UNC5D: variants seen among roughly 807,000 people sequenced by gnomAD.
UNC5D encodes the protein netrin receptor UNC5D.
UNC5D carries 39 observed loss-of-function variants against 105.4 expected under a neutral mutation model. That is an observed-to-expected ratio of 0.37 (90% CI 0.29 to 0.48). The LOEUF (loss-of-function observed/expected upper bound fraction) is 0.48. UNC5D is among the 20% of genes least tolerant of loss of function. The pLI is 0.98. For missense variants in UNC5D, 991 were observed against 1,202.4 expected (o/e 0.82, Z 2.60); for synonymous variants, 452 against 450.4 (o/e 1.00, Z -0.04).
At chr8:35,716,886 A>T (rs1828280428) in intron 8 of UNC5D, among the ~76,000 whole-genome samples, 1 of 152,226 alleles carries the variant, frequency 6.6e-6, no homozygotes, top group Non-Finnish European at 1.5e-5. Flanking sequence ...AAACAACTTT[A>T]ACAATAACTT....
intron 3 of UNC5D, among the ~76,000 whole-genome samples, chr8:35,571,545 G>A (rs1279410707): frequency 1.3e-5 from 2 of 152,088 alleles, no homozygotes; most frequent in African/African-American, 4.8e-5. Flanking sequence ...AAAGTCAGGG[G>A]GGTGGGGGAG....
intron 1 of UNC5D, among the ~76,000 whole-genome samples, chr8:35,389,117 G>T (rs1484883936): frequency 6.6e-6 from 1 of 152,108 alleles, no homozygotes; most frequent in Non-Finnish European, 1.5e-5. Context: ...TTTTCCTGTG[G>T]TTTTCTACAC....
chr8:35,699,321 T>C (rs1827012008), intron 7 of UNC5D, among the ~76,000 whole-genome samples: 3 of 152,180 alleles, frequency 2.0e-5, no homozygotes, highest in Admixed American at 2.0e-4. Flanking sequence ...AATTATGTGC[T>C]TTGACTAAGG....
intron 15 of UNC5D, among the ~76,000 whole-genome samples, chr8:35,770,580 G>T (rs1402171628): frequency 6.6e-6 from 1 of 152,084 alleles, no homozygotes; most frequent in African/African-American, 2.4e-5. Flanking sequence ...AATGATTACT[G>T]CCAACCAATA....
At chr8:35,529,076 G>C (rs1219266460) in intron 1 of UNC5D, among the ~76,000 whole-genome samples, 273 of 105,758 alleles carry the variant, frequency 2.6e-3, no homozygotes, top group African/African-American at 9.8e-3. Context: ...GTCAATTTTG[G>C]CTTTTGTTGC....
chr8:35,494,608 T>G (rs1811431505), intron 1 of UNC5D, among the ~76,000 whole-genome samples: 1 of 152,340 alleles, frequency 6.6e-6, no homozygotes, highest in East Asian at 1.9e-4. Flanking sequence ...CCCATTCAAC[T>G]ACTTGCTATT....
rs192885480 is a variant in UNC5D at position 35,370,296 on chromosome 8, T to C, written c.103+134409T>C. ...GCCGTGGCATATGGCAATGCTAAATTAAAGAAAAAATATAGTTTGTAGTAA... is the reference window on the plus strand; with the variant it reads ...GCCGTGGCATATGGCAATGCTAAATCAAAGAAAAAATATAGTTTGTAGTAA... On this transcript the variant is annotated intron_variant, in intron 1 of 16. Coordinates refer to ENST00000404895, the MANE Select transcript of UNC5D (RefSeq NM_080872.4). Among the ~76,000 whole-genome samples the C allele has an allele frequency of 3.9e-3, 589 of 152,260 alleles. 2 individuals carry two copies. Among genetic ancestry groups the C allele is most frequent in the Non-Finnish European group, 5.6e-3 (381 of 68,004 alleles).
At position 35,595,589 on chromosome 8, in the gene UNC5D, A is replaced by G. The variant is rs1819440650; in HGVS notation, c.502A>G (p.Arg168Gly). The change falls in exon 4 of 17, where the codon AGG becomes GGG. Residue 168 changes from arginine (R) to glycine (G), a missense_variant. Arg to Gly is a moderately radical substitution (Grantham distance 125). This residue lies in a region of UNC5D where 944 missense variants were observed against 1,131.6 expected (regional missense o/e 0.83). Coordinates refer to ENST00000404895, the MANE Select transcript of UNC5D (RefSeq NM_080872.4). ...RKNFEQDPQG[R>G]EVPIEGMIVL... Reference sequence around the variant, plus strand: ...AAACTTTGAACAAGACCCACAAGGAAGGGAAGTTCCCATTGAAGGCATGAT... The same window carrying G: ...AAACTTTGAACAAGACCCACAAGGAGGGGAAGTTCCCATTGAAGGCATGAT... 1.2e-6 allele frequency: 2 copies of G among 1,614,108 alleles called. No individual in the cohort carries two copies. The highest frequency in any genetic ancestry group is 8.5e-7 in the Non-Finnish European group (1 of 1,179,984).
At chr8:35,284,041 G>A (rs1332939669) in intron 1 of UNC5D, among the ~76,000 whole-genome samples, 2 of 152,090 alleles carry the variant, frequency 1.3e-5, no homozygotes, top group African/African-American at 4.8e-5. Context: ...ATTTTAAATT[G>A]CAGGAAGATT....
intron 1 of UNC5D, among the ~76,000 whole-genome samples, chr8:35,544,717 C>T (rs1051964490): frequency 2.0e-5 from 3 of 151,144 alleles, no homozygotes; most frequent in Non-Finnish European, 2.9e-5. Context: ...ATTTTCCAGC[C>T]TCAGCCTCCT....
At chr8:35,688,689 A>G (rs892204899) in intron 7 of UNC5D, among the ~76,000 whole-genome samples, 2 of 152,216 alleles carry the variant, frequency 1.3e-5, no homozygotes, top group Admixed American at 1.3e-4. Flanking sequence ...GCTCAATAGA[A>G]GGATATTTAA....
chr8:35,748,729 G>C (rs1830121592), intron 12 of UNC5D, 34 bp downstream of exon 12: 2 of 1,602,024 alleles, frequency 1.2e-6, no homozygotes, highest in Admixed American at 1.7e-5. Flanking sequence ...TAAACAGTGG[G>C]ATTTGGGTTC....
chr8:35,268,019 A>G (rs1361711661), intron 1 of UNC5D, among the ~76,000 whole-genome samples: 2 of 152,206 alleles, frequency 1.3e-5, no homozygotes, highest in African/African-American at 4.8e-5. Flanking sequence ...TAGAATGTTG[A>G]GAATATTTAA....
intron 1 of UNC5D, among the ~76,000 whole-genome samples, chr8:35,449,615 A>G (rs1204060174): frequency 6.6e-6 from 1 of 152,104 alleles, no homozygotes; most frequent in Non-Finnish European, 1.5e-5. Flanking sequence ...TGCTTGGGAA[A>G]TGGAATTTCA....
At chr8:35,392,856 T>C (rs1340244327) in intron 1 of UNC5D, among the ~76,000 whole-genome samples, 1 of 152,210 alleles carries the variant, frequency 6.6e-6, no homozygotes, top group Non-Finnish European at 1.5e-5. Flanking sequence ...TCTCATGGTA[T>C]AGATAATTCT....
intron 1 of UNC5D, among the ~76,000 whole-genome samples, chr8:35,419,779 C>T (rs1805770412): frequency 1.3e-5 from 2 of 152,232 alleles, no homozygotes; most frequent in South Asian, 4.1e-4. Context: ...CCTTTTACAC[C>T]CACCATTCAG....
intron 1 of UNC5D, among the ~76,000 whole-genome samples, chr8:35,266,766 A>G (rs562416452): frequency 5.9e-5 from 9 of 151,304 alleles, no homozygotes; most frequent in African/African-American, 1.7e-4. Context: ...TATATCTAAT[A>G]CCTTGGTGAA....
chr8:35,269,831 G>C (rs905054120), intron 1 of UNC5D, among the ~76,000 whole-genome samples: 6 of 152,112 alleles, frequency 3.9e-5, no homozygotes, highest in African/African-American at 1.4e-4. Flanking sequence ...GTGAGTCCAA[G>C]GTCACACAGA....
At chr8:35,415,403 G>A (rs1057158016) in intron 1 of UNC5D, among the ~76,000 whole-genome samples, 2 of 152,048 alleles carry the variant, frequency 1.3e-5, no homozygotes, top group Admixed American at 1.3e-4. Context: ...GATTGAATAA[G>A]CAATAAATGT....
Sources: allele counts gnomAD v4.1 joint callset (sites outside exome capture counted in the v4.1 genomes callset), GRCh38; gene constraint gnomAD v4.1.1; regional missense constraint gnomAD v4.1.1; transcripts MANE v1.5; gene names NCBI Gene and HGNC (gene_info 2026-07-23, HGNC 2026-07-21).